Variants in TUBB8 observed in about 807,000 individuals in gnomAD.
The protein encoded by TUBB8 is tubulin beta-8 chain.
TUBB8 carries 25 observed loss-of-function variants against 33.7 expected under a neutral mutation model. The ratio of observed to expected loss-of-function variants is 0.74; its 90% CI spans 0.54 to 1.04. The LOEUF (loss-of-function observed/expected upper bound fraction) is 1.04. Ranked by LOEUF, TUBB8 falls within the 50% of genes least tolerant of loss-of-function variation. The pLI, the probability that TUBB8 is intolerant of heterozygous loss-of-function variation, is 0.00. For synonymous variants in TUBB8, 245 were observed against 240.1 expected (o/e 1.02, Z -0.19); for missense variants, 279 against 608.0 (o/e 0.46, Z 5.69).
intron 1 of TUBB8, among the ~76,000 whole-genome samples, chr10:65,002 G>T (rs1178672199): frequency 9.3e-5 from 13 of 140,220 alleles, no homozygotes; most frequent in African/African-American, 3.1e-4. Context: ...AAAAAAAATA[G>T]TTGGGCATGT....
At chr10:55,300 C>T (rs1564208144) in intron 1 of TUBB8, among the ~76,000 whole-genome samples, 1 of 152,360 alleles carries the variant, frequency 6.6e-6, no homozygotes, top group East Asian at 1.9e-4. Context: ...ATCCAATCAC[C>T]TTCTACCAGG....
At chr10:49,730 T>A, upstream of TUBB8, 1 of 376,708 alleles carries the variant, frequency 2.7e-6, no homozygotes, top group Non-Finnish European at 5.2e-6. Flanking sequence ...ACGTTTTACT[T>A]TGGAGCAGTT....
chr10:63,280 G>T (rs1177951633), intron 1 of TUBB8, among the ~76,000 whole-genome samples: 3 of 152,184 alleles, frequency 2.0e-5, no homozygotes, highest in Non-Finnish European at 4.4e-5. Context: ...GTTTCACCGT[G>T]TTAGCCAGGA....
At chr10:64,088 C>A (rs1471023466) in intron 1 of TUBB8, among the ~76,000 whole-genome samples, 21 of 152,142 alleles carry the variant, frequency 1.4e-4, no homozygotes, top group Admixed American at 1.2e-3. Context: ...CTTTCTTTCT[C>A]TGAAACCAGC....
chr10:48,739 G>A lies in TUBB8; in HGVS notation c.167-14C>T, dbSNP rs1243817613. ...CGTACCTGCCACCTGCGTGGGGCGG[G>A]AGGGCATGAGCGAGGGGAGGGCCGC... On this transcript the variant is annotated splice_polypyrimidine_tract_variant and intron_variant, in intron 2 of 3. Transcript: ENST00000568584. 3.1e-6 allele frequency: 5 copies of A among 1,607,840 alleles called. No individual in the cohort carries two copies. The highest frequency in any genetic ancestry group is 1.3e-5 in the African/African-American group (1 of 74,818).
chr10:51,383 C>T (rs1834467064), upstream of TUBB8, among the ~76,000 whole-genome samples: 1 of 152,060 alleles, frequency 6.6e-6, no homozygotes, highest in South Asian at 2.1e-4. Context: ...GCTGGGATTA[C>T]AGCTGATGAT....
At chr10:52,541 A>C (rs12255619), upstream of TUBB8, among the ~76,000 whole-genome samples, 10,599 of 151,988 alleles carry the variant, frequency 0.07, 220 homozygotes, top group Non-Finnish European at 0.08. Flanking sequence ...GTCTCTAACT[A>C]TAAAGAGAAA....
upstream of TUBB8, among the ~76,000 whole-genome samples, chr10:51,856 T>C (rs1213015355): frequency 1.3e-5 from 2 of 152,170 alleles, no homozygotes; most frequent in Non-Finnish European, 2.9e-5. Context: ...GTAGCAGCAA[T>C]AGCTCTAAGA....
intron 1 of TUBB8, among the ~76,000 whole-genome samples, chr10:56,351 T>C (rs1180323282): frequency 6.6e-6 from 1 of 152,214 alleles, no homozygotes; most frequent in Non-Finnish European, 1.5e-5. Flanking sequence ...ACTCAAGTTA[T>C]TACTTCTAAT....
intron 1 of TUBB8, among the ~76,000 whole-genome samples, chr10:70,257 GTTGTT>G (rs760679852): frequency 0.04 from 4,794 of 121,120 alleles, 101 homozygotes; most frequent in Middle Eastern, 0.066. Flanking sequence ...TTTTGTTGTT[GTTGTT>G]TTGTTTTGTT....
At chr10:46,764 G>A, downstream of TUBB8, 1 of 412,284 alleles carries the variant, frequency 2.4e-6, no homozygotes, top group Non-Finnish European at 4.5e-6. Context: ...GACCCCTCCT[G>A]GAGCCACTGG....
At chr10:50,236 A>G (rs1387626327), upstream of TUBB8, 2 of 152,350 alleles carry the variant, frequency 1.3e-5, no homozygotes, top group Non-Finnish European at 2.9e-5. Flanking sequence ...ATTTACCCCT[A>G]TAAACAAATG....
chr10:51,663 G>C (rs1199044381), upstream of TUBB8, among the ~76,000 whole-genome samples: 12 of 152,114 alleles, frequency 7.9e-5, no homozygotes, highest in African/African-American at 1.2e-4. Flanking sequence ...TTATGGCTTG[G>C]CAGGCTTTAA....
intron 1 of TUBB8, among the ~76,000 whole-genome samples, chr10:73,465 G>T (rs1834763923): frequency 6.6e-6 from 1 of 152,228 alleles, no homozygotes; most frequent in South Asian, 2.1e-4. Context: ...CCAACATGGA[G>T]AAACCCCGTC....
At chr10:48,393 C>G in intron 3 of TUBB8, 3 of 640,428 alleles carry the variant, frequency 4.7e-6, no homozygotes, top group Non-Finnish European at 8.3e-6. Flanking sequence ...AGCTCAGGTT[C>G]TTGCAGGGAG....
chr10:63,407 C>T (rs1834628021), intron 1 of TUBB8, among the ~76,000 whole-genome samples: 1 of 152,204 alleles, frequency 6.6e-6, no homozygotes. Flanking sequence ...TCTTTTTCTA[C>T]CACCTCTTTA....
At chr10:74,875 T>A (rs1459996510), upstream of TUBB8, among the ~76,000 whole-genome samples, 2 of 124,432 alleles carry the variant, frequency 1.6e-5, no homozygotes, top group Non-Finnish European at 3.2e-5. Flanking sequence ...AATTTTTTTT[T>A]TTTTTTTTTT....
At chr10:75,167 G>C (rs565407520), upstream of TUBB8, among the ~76,000 whole-genome samples, 1 of 128,934 alleles carries the variant, frequency 7.8e-6, no homozygotes, top group Non-Finnish European at 1.7e-5. Context: ...ACAGGCGTGA[G>C]CCACCGCGCC....
Position 49,263 on chromosome 10 carries a change from G to A in TUBB8, c.-25C>T, listed in dbSNP as rs1205948559. The A allele has an allele frequency of 7.6e-6, 12 of 1,575,736 alleles. No individual in the cohort carries two copies. Among genetic ancestry groups the A allele is most frequent in the African/African-American group, 1.4e-5 (1 of 73,916 alleles). On this transcript the variant is annotated 5_prime_UTR_variant, in exon 1 of 4. Coordinates refer to ENST00000568584, the MANE Select transcript of TUBB8 (RefSeq NM_177987.3). Reference sequence around the variant, plus strand: ...TGGCCAAGGCGGGATTAGGACGGCAGGAGAAACGTGAGAAGGAGGAGCAGA... The same window carrying A: ...TGGCCAAGGCGGGATTAGGACGGCAAGAGAAACGTGAGAAGGAGGAGCAGA...
Sources: gnomAD v4.1 joint callset for allele counts (sites outside exome capture counted in the v4.1 genomes callset) on GRCh38, gnomAD v4.1.1 for gene constraint, MANE v1.5 for transcripts, NCBI Gene and HGNC (gene_info 2026-07-23, HGNC 2026-07-21) for gene names.